The following DGKH variants were observed in gnomAD, a reference collection of about 807,000 sequenced individuals.
The protein encoded by DGKH is diacylglycerol kinase eta, also known as DAG kinase eta.
Under a neutral mutation model 159.3 loss-of-function variants are expected in DGKH, and 90 were observed. That is an observed-to-expected ratio of 0.57 (90% confidence interval 0.48 to 0.67). The LOEUF is 0.67. DGKH is among the 30% of genes least tolerant of loss of function. The pLI, the probability that DGKH is intolerant of heterozygous loss-of-function variation, is 0.00. For synonymous variants in DGKH, 536 were observed against 553.8 expected (o/e 0.97, Z 0.45); for missense variants, 1,181 against 1,506.1 (o/e 0.78, Z 3.57).
At chr13:42,110,445 C>T (rs1164304993) in intron 1 of DGKH, among the ~76,000 whole-genome samples, 1 of 152,140 alleles carries the variant, frequency 6.6e-6, no homozygotes, top group African/African-American at 2.4e-5. Flanking sequence ...AGAATGTCCC[C>T]ACATCAAAAT....
At chr13:42,070,627 G>T in intron 1 of DGKH, 1 of 1,610,854 alleles carries the variant, frequency 6.2e-7, no homozygotes, top group Non-Finnish European at 8.5e-7. Flanking sequence ...GAAAAGATTA[G>T]TTGGTTTGAG....
intron 26 of DGKH, among the ~76,000 whole-genome samples, chr13:42,216,300 C>A (rs1172143195): frequency 6.6e-6 from 1 of 152,224 alleles, no homozygotes; most frequent in Non-Finnish European, 1.5e-5. Flanking sequence ...AGCATCTTGG[C>A]TCTTGCCGCC....
chr13:42,040,906 C>CGCCCA (rs1880457060), intron 1 of DGKH, among the ~76,000 whole-genome samples: 1 of 148,894 alleles, frequency 6.7e-6, no homozygotes, highest in Non-Finnish European at 1.5e-5. Context: ...ACGTGCGCCC[C>CGCCCA]GCGCCCGGCG....
chr13:42,154,121 T>C (rs1371194166), intron 3 of DGKH, among the ~76,000 whole-genome samples: 1 of 152,216 alleles, frequency 6.6e-6, no homozygotes, highest in African/African-American at 2.4e-5. Context: ...GGATTCTTTT[T>C]GTTTGTTTGT....
At position 42,234,710 on chromosome 13, in the gene DGKH, T is replaced by C. The variant is rs1476006636; in HGVS notation, c.*5522T>C. 1 of 152,158 alleles carries C rather than the reference T, an allele frequency of 6.6e-6. No homozygotes were observed. Among genetic ancestry groups the C allele is most frequent in the African/African-American group, 2.4e-5 (1 of 41,450 alleles). 9.4% of individuals were successfully genotyped at this position (152,158 alleles called of 1,614,324 possible). On this transcript the variant is annotated 3_prime_UTR_variant, in exon 30 of 30. Coordinates refer to ENST00000337343, the MANE Select transcript of DGKH (RefSeq NM_178009.5). ...CACTAGTAATTGTTAGCCAATAGAA[T>C]AGCCTCCCAGAGCAGTCCCCACAGC... is the stretch of plus-strand genomic sequence containing the variant.
intron 1 of DGKH, 136 bp downstream of exon 1, chr13:42,049,101 AAGGCGGGGAAGGC>A (rs1881036715): frequency 1.4e-6 from 1 of 727,180 alleles, no homozygotes; most frequent in Non-Finnish European, 1.6e-6. Flanking sequence ...GAAGGCGGGG[AAGGCGGGGAAGGC>A]GGGGAAGGCG....
rs1880980448 is a variant in DGKH, at chr13:42,048,734, C to T, written c.-40C>T. On this transcript the variant is annotated 5_prime_UTR_variant, in exon 1 of 30. Coordinates refer to ENST00000337343, the MANE Select transcript of DGKH (RefSeq NM_178009.5). This position sits in a 1 kb window ranked among gnomAD's most constrained non-coding sequence, Gnocchi z 6.7. ...CCACCCGCTGACCAACGCCGCCGCC[C>T]CCGCCGGGCGGTGCTGTGTCCCCGC... 1 of 1,245,238 alleles carries T rather than the reference C, an allele frequency of 8.0e-7. No homozygotes were observed. Among genetic ancestry groups the T allele is most frequent in the East Asian group, 3.2e-5 (1 of 30,948 alleles). The allele number at this position is 1,245,238 out of a possible 1,614,324, so 77.1% of individuals were successfully genotyped here.
At chr13:42,220,259 C>T (rs1717663719) in intron 28 of DGKH, among the ~76,000 whole-genome samples, 1 of 152,142 alleles carries the variant, frequency 6.6e-6, no homozygotes, top group South Asian at 2.1e-4. Context: ...TTACATTTTC[C>T]ACCTAAAGTT....
intron 3 of DGKH, among the ~76,000 whole-genome samples, chr13:42,145,430 A>T (rs1197233484): frequency 6.6e-6 from 1 of 151,948 alleles, no homozygotes; most frequent in African/African-American, 2.4e-5. Context: ...ACAATCCTGG[A>T]ACTCAGGGTT....
At chr13:42,242,994 T>C (rs1242843602), downstream of DGKH, 2 of 152,126 alleles carry the variant, frequency 1.3e-5, no homozygotes, top group Non-Finnish European at 2.9e-5. Flanking sequence ...TAAAAAATAA[T>C]GCAGAGAGAG....
intron 7 of DGKH, 152 bp downstream of exon 7, chr13:42,160,288 A>G (rs1956148532): frequency 3.7e-6 from 4 of 1,077,824 alleles, no homozygotes; most frequent in Non-Finnish European, 5.5e-6. Flanking sequence ...TCCTTACAGT[A>G]TAGTCCTCCT....
At position 42,172,030 on chromosome 13, in the gene DGKH, A is replaced by G. The variant is rs1265922506; in HGVS notation, c.1368-2030A>G. Among the ~76,000 whole-genome samples the G allele has an allele frequency of 1.4e-4, 22 of 152,058 alleles. 1 individual carries two copies. The East Asian group carries it at 3.1e-3, about 21-fold the overall frequency. On this transcript the variant is annotated intron_variant, in intron 11 of 29. Transcript: ENST00000337343. ...TTTTTAGTAGAGACGGGGTTTCACC[A>G]TGTTAGCCAGGATGGTCTTGATCTC...
At chr13:42,080,260 G>C (rs1176602615) in intron 1 of DGKH, among the ~76,000 whole-genome samples, 1 of 152,180 alleles carries the variant, frequency 6.6e-6, no homozygotes, top group Non-Finnish European at 1.5e-5. Context: ...TCAAATGTAA[G>C]AGTGTTACAG....
chr13:42,092,169 G>A (rs1233823383), intron 1 of DGKH, among the ~76,000 whole-genome samples: 2 of 152,160 alleles, frequency 1.3e-5, no homozygotes, highest in Admixed American at 1.3e-4. Context: ...CAGCCATTAT[G>A]GAAAGTAGTA....
rs372490160 is a variant in DGKH, at chr13:42,168,524, C to G, written c.1203C>G (p.Ile401Met). Residue 401 changes from isoleucine to methionine, a missense_variant, in exon 10 of 30, where the codon ATC becomes ATG. Physicochemically the swap from Ile to Met is conservative, Grantham distance 10. Around this residue, in one of 5 missense-constraint regions of DGKH, gnomAD observed 369 missense variants for 519.4 expected, o/e 0.71. Coordinates refer to ENST00000337343, the MANE Select transcript of DGKH (RefSeq NM_178009.5). ...GTGTAGGTTGGGTTTTGTCAGAAAT[C>G]GATAAGCTCAACTTGAATAAACAGG... is the stretch of plus-strand genomic sequence containing the variant. ...DGSVGWVLSE[I>M]DKLNLNKQCQ... 1.2e-6 allele frequency: 2 copies of G among 1,614,044 alleles called. No homozygotes were observed. The highest frequency in any genetic ancestry group is 1.7e-6 in the Non-Finnish European group (2 of 1,179,966).
At position 42,240,431 on chromosome 13, in the gene DGKH, T is replaced by C. The variant is rs1958493943; in HGVS notation, c.*11243T>C. The C allele has an allele frequency of 6.6e-6, 1 of 152,274 alleles. No individual in the cohort carries two copies. Among genetic ancestry groups the C allele is most frequent in the Non-Finnish European group, 1.5e-5 (1 of 68,052 alleles). The allele number at this position is 152,274 out of a possible 1,614,324, so 9.4% of individuals were successfully genotyped here. On this transcript the variant is annotated 3_prime_UTR_variant, in exon 30 of 30. Transcript: ENST00000337343. The stretch of plus-strand genomic sequence containing the variant: ...TTTTCACATAACTGCCAAACTCTTA[T>C]TTGTAATTCTTAAATATGCCCTAAA...
chr13:42,194,982 C>A lies in DGKH; in HGVS notation c.2133C>A (p.Asn711Lys). Reference sequence around the variant, plus strand: ...CAGCTGTGGCAGCCAGCAAAGAAAACCTCCCTGTGCTCAATACCAGAATAA... The same window carrying A: ...CAGCTGTGGCAGCCAGCAAAGAAAAACTCCCTGTGCTCAATACCAGAATAA... ...PGPAVAASKE[N>K]LPVLNTRIIC... Residue 711 changes from asparagine to lysine, a missense_variant, in exon 17 of 30, where the codon AAC (asparagine) becomes AAA (lysine). Around this residue, in one of 5 missense-constraint regions of DGKH, gnomAD observed 257 missense variants for 281.5 expected, o/e 0.91. Coordinates refer to ENST00000337343, the MANE Select transcript of DGKH (RefSeq NM_178009.5). 3 of 1,614,010 alleles carry A rather than the reference C, an allele frequency of 1.9e-6. No individual in the cohort carries two copies.
chr13:42,093,921 A>G (rs1445907927), intron 1 of DGKH, among the ~76,000 whole-genome samples: 1 of 152,054 alleles, frequency 6.6e-6, no homozygotes, highest in Non-Finnish European at 1.5e-5. Context: ...AGAATTCTGG[A>G]GATTGGTTGC....
chr13:42,208,024 G>C (rs1957550365), intron 21 of DGKH, among the ~76,000 whole-genome samples: 1 of 152,090 alleles, frequency 6.6e-6, no homozygotes, highest in South Asian at 2.1e-4. Context: ...CTGCTAGGTA[G>C]TCCGACAATG....
Sources: gnomAD v4.1 joint callset for allele counts (sites outside exome capture counted in the v4.1 genomes callset) on GRCh38, gnomAD v4.1.1 for gene constraint, gnomAD v4.1.1 regional missense constraint, Gnocchi (gnomAD v3.1) non-coding constraint, MANE v1.5 for transcripts, NCBI Gene and HGNC (gene_info 2026-07-23, HGNC 2026-07-21) for gene names.